SPSB4: variants seen among roughly 807,000 people sequenced by gnomAD.
SPSB4 encodes the protein SPRY domain-containing SOCS box protein 4.
SPSB4 carries 21 observed loss-of-function variants against 20.9 expected under a neutral mutation model. The observed-to-expected ratio is 1.01, with a 90% confidence interval of 0.71 to 1.45. SPSB4 has a LOEUF of 1.45. SPSB4 is among the 40% of genes most tolerant of loss of function. SPSB4 has a pLI of 0.00. For synonymous variants in SPSB4, 207 were observed against 183.8 expected (o/e 1.13, Z -1.02); for missense variants, 399 against 399.2 (o/e 1.00, Z 0.00).
Position 141,147,447 on chromosome 3 carries a change from C to A in SPSB4, c.*178C>A. The A allele has an allele frequency of 1.9e-6, 2 of 1,061,318 alleles. No individual in the cohort carries two copies. The highest frequency in any genetic ancestry group is 1.6e-5 in the South Asian group (1 of 61,020). 65.7% of individuals were successfully genotyped at this position (1,061,318 alleles called of 1,614,324 possible). A position where few individuals can be genotyped will look rare whatever the true frequency, so the allele number is the denominator to read the frequency against. On this transcript the variant is annotated 3_prime_UTR_variant, in exon 3 of 3. Coordinates refer to ENST00000310546, the MANE Select transcript of SPSB4 (RefSeq NM_080862.3). ...ACTTTGGAAACGAAAGGTCTCTTGC[C>A]AACAGTATCTACTGCCCTCGAGGCA...
intron 2 of SPSB4, among the ~76,000 whole-genome samples, chr3:141,083,465 T>C (rs547168127): frequency 6.6e-6 from 1 of 152,194 alleles, no homozygotes; most frequent in South Asian, 2.1e-4. Flanking sequence ...TCTGCCCCTT[T>C]CTCTGGGCAG....
intron 2 of SPSB4, chr3:141,116,995 C>G (rs1576536697): frequency 6.6e-6 from 1 of 152,238 alleles, no homozygotes; most frequent in Admixed American, 6.5e-5. Context: ...CTCACAGATG[C>G]ATTAGATGCT....
At chr3:141,064,340 G>C (rs752063987) in intron 1 of SPSB4, among the ~76,000 whole-genome samples, 1 of 152,150 alleles carries the variant, frequency 6.6e-6, no homozygotes, top group Non-Finnish European at 1.5e-5. Context: ...CCTGGATTTT[G>C]GGTGATTTCG....
intron 2 of SPSB4, among the ~76,000 whole-genome samples, chr3:141,127,220 G>C (rs1180193349): frequency 6.6e-6 from 1 of 152,226 alleles, no homozygotes; most frequent in Non-Finnish European, 1.5e-5. Flanking sequence ...ACAGGCAGCT[G>C]AGCACTGCTG....
intron 2 of SPSB4, chr3:141,115,292 G>A (rs924388996): frequency 1.9e-4 from 29 of 152,338 alleles, no homozygotes; most frequent in Admixed American, 1.2e-3. Flanking sequence ...CCCCAGTGGC[G>A]TTGGCAGGTA....
intron 2 of SPSB4, among the ~76,000 whole-genome samples, chr3:141,072,467 G>C (rs945135089): frequency 2.6e-5 from 4 of 152,172 alleles, no homozygotes; most frequent in African/African-American, 4.8e-5. Flanking sequence ...GGTAATGAGT[G>C]AGTTCTCACT....
chr3:141,075,804 T>A (rs1037400972), intron 2 of SPSB4, among the ~76,000 whole-genome samples: 9 of 147,720 alleles, frequency 6.1e-5, no homozygotes, highest in African/African-American at 2.2e-4. Flanking sequence ...CCCAGCACTT[T>A]GGGAGGCCGA....
intron 2 of SPSB4, among the ~76,000 whole-genome samples, chr3:141,109,772 T>C (rs1938762823): frequency 6.6e-6 from 1 of 152,084 alleles, no homozygotes; most frequent in Admixed American, 6.5e-5. Context: ...GGGCCTTCCA[T>C]CAAAAAGCGG....
At chr3:141,059,106 G>C (rs923625510) in intron 1 of SPSB4, among the ~76,000 whole-genome samples, 14 of 152,292 alleles carry the variant, frequency 9.2e-5, no homozygotes, top group African/African-American at 3.4e-4. Context: ...GAAAAAAGCA[G>C]ATCAGTAAGG....
At chr3:141,119,602 A>G (rs1446861687) in intron 2 of SPSB4, among the ~76,000 whole-genome samples, 1 of 152,210 alleles carries the variant, frequency 6.6e-6, no homozygotes, top group African/African-American at 2.4e-5. Context: ...GTTTTTGCCC[A>G]TTCAGTATGA....
intron 2 of SPSB4, among the ~76,000 whole-genome samples, chr3:141,086,440 AT>A (rs1938340748): frequency 6.6e-6 from 1 of 152,202 alleles, no homozygotes; most frequent in African/African-American, 2.4e-5. Flanking sequence ...TGCCTGTAAA[AT>A]GGAGATGATG....
In SPSB4 at chr3:141,140,011, T is replaced by A. The variant is rs536832500; in HGVS notation, c.695-7131T>A. Among the ~76,000 whole-genome samples the A allele has an allele frequency of 2.4e-4, 37 of 152,328 alleles. 1 individual carries two copies. The highest frequency in any genetic ancestry group is 2.4e-3 in the Admixed American group (36 of 15,310). On this transcript the variant is annotated intron_variant, in intron 2 of 2. Coordinates refer to ENST00000310546, the MANE Select transcript of SPSB4 (RefSeq NM_080862.3). ...TTGGTCTTTTCACATAGTCCCATAT[T>A]TCTCGGAGGCTTTGTTCATTTCTTT...
chr3:141,120,277 GA>G (rs1366058775), intron 2 of SPSB4, among the ~76,000 whole-genome samples: 2 of 152,200 alleles, frequency 1.3e-5, no homozygotes, highest in Admixed American at 1.3e-4. Context: ...TGTGGTCTGA[GA>G]GACAGTTTGT....
chr3:141,051,416 G>T lies in SPSB4; in HGVS notation c.-730G>T, dbSNP rs1326481541. On this transcript the variant is annotated 5_prime_UTR_variant, in exon 1 of 3. Coordinates refer to ENST00000310546, the MANE Select transcript of SPSB4 (RefSeq NM_080862.3). ...GGAGCGGGCGGCGGCGGCGGAGGAGGGGGAGGCGGCGGCGGCTGCAGCATC... is the reference window on the plus strand; with the variant it reads ...GGAGCGGGCGGCGGCGGCGGAGGAGTGGGAGGCGGCGGCGGCTGCAGCATC... 2 of 156,462 alleles carry T rather than the reference G, an allele frequency of 1.3e-5. No homozygotes were observed. Among genetic ancestry groups the T allele is most frequent in the Non-Finnish European group, 2.8e-5 (2 of 71,330 alleles). 9.7% of individuals were successfully genotyped at this position (156,462 alleles called of 1,614,324 possible). A position where few individuals can be genotyped will look rare whatever the true frequency, so the allele number is the denominator to read the frequency against.
intron 1 of SPSB4, among the ~76,000 whole-genome samples, chr3:141,059,572 C>A (rs1283700223): frequency 2.0e-5 from 3 of 152,098 alleles, no homozygotes; most frequent in Admixed American, 2.0e-4. Flanking sequence ...CCTAAGACAG[C>A]ACCAAGCCAT....
At chr3:141,103,399 C>T (rs1269883486) in intron 2 of SPSB4, among the ~76,000 whole-genome samples, 2 of 152,186 alleles carry the variant, frequency 1.3e-5, no homozygotes, top group South Asian at 2.1e-4. Context: ...CACTCATCAA[C>T]CCAAGGAAAT....
At chr3:141,083,425 G>C (rs1414084397) in intron 2 of SPSB4, among the ~76,000 whole-genome samples, 1 of 152,190 alleles carries the variant, frequency 6.6e-6, no homozygotes, top group African/African-American at 2.4e-5. Context: ...GAAGATATGA[G>C]AAAGGCCCCT....
chr3:141,140,642 A>G (rs540466072), intron 2 of SPSB4, among the ~76,000 whole-genome samples: 2 of 152,336 alleles, frequency 1.3e-5, no homozygotes, highest in South Asian at 2.1e-4. Flanking sequence ...GCTGCAGAAC[A>G]GCGGATATTG....
chr3:141,054,793 G>A (rs1226489795), intron 1 of SPSB4, among the ~76,000 whole-genome samples: 6 of 152,284 alleles, frequency 3.9e-5, no homozygotes, highest in South Asian at 2.1e-4. Flanking sequence ...GTGAAACCCC[G>A]TCTCTACTAA....
Sources: gnomAD v4.1 joint callset for allele counts (sites outside exome capture counted in the v4.1 genomes callset) on GRCh38, gnomAD v4.1.1 for gene constraint, MANE v1.5 for transcripts, NCBI Gene and HGNC (gene_info 2026-07-23, HGNC 2026-07-21) for gene names.